ME1: variants seen among roughly 807,000 people sequenced by gnomAD.
ME1 encodes NADP-dependent malic enzyme.
In ME1, 74 loss-of-function variants were observed where a neutral mutation model predicts 66.4. That is an observed-to-expected ratio of 1.11 (90% CI 0.92 to 1.35). The LOEUF is 1.35. Among genes scored for constraint, ME1 ranks in the 40% most tolerant of loss-of-function variants. The pLI, the probability that ME1 is intolerant of heterozygous loss-of-function variation, is 0.00. For missense variants in ME1, 750 were observed against 694.1 expected, an observed-to-expected ratio of 1.08 and a Z score of -0.90; for synonymous variants, 251 against 235.6, an observed-to-expected ratio of 1.07 and a Z score of -0.60.
chr6:83,236,347 G>A (rs1457479912), intron 9 of ME1, among the ~76,000 whole-genome samples: 2 of 151,978 alleles, frequency 1.3e-5, no homozygotes, highest in Non-Finnish European at 2.9e-5. Flanking sequence ...GGAAACTAGT[G>A]GCTCAAAAAT....
intron 3 of ME1, among the ~76,000 whole-genome samples, chr6:83,385,023 T>A (rs1769480852): frequency 6.6e-6 from 1 of 151,906 alleles, no homozygotes; most frequent in African/African-American, 2.4e-5. Flanking sequence ...TATATGAACA[T>A]CTTTCAAATA....
At chr6:83,290,318 G>A (rs770510092) in intron 6 of ME1, among the ~76,000 whole-genome samples, 3 of 152,068 alleles carry the variant, frequency 2.0e-5, no homozygotes, top group Non-Finnish European at 2.9e-5. Context: ...AGAGATTCTG[G>A]TACATTGTGT....
intron 2 of ME1, 62 bp downstream of exon 2, chr6:83,407,706 T>TA: frequency 1.4e-6 from 2 of 1,401,704 alleles, no homozygotes; most frequent in South Asian, 3.6e-5. Flanking sequence ...TCTCACCCAA[T>TA]AAAAAATAAA....
In ME1 at chr6:83,358,628, T is replaced by C. The variant is rs114361312; in HGVS notation, c.363-6489A>G. 2.9e-3 allele frequency among the ~76,000 whole-genome samples: 444 copies of C among 152,246 alleles called. 1 individual carries two copies. The highest frequency in any genetic ancestry group is 9.8e-3 in the African/African-American group (406 of 41,554). ...CATCGATTAGAAAAGAATGGGACCATGCAACTTGGAATGGGGATGTGTGGG... is the reference window on the plus strand; with the variant it reads ...CATCGATTAGAAAAGAATGGGACCACGCAACTTGGAATGGGGATGTGTGGG... On this transcript the variant is annotated intron_variant, in intron 3 of 13. Coordinates refer to ENST00000369705, the MANE Select transcript of ME1 (RefSeq NM_002395.6).
At chr6:83,264,259 G>A (rs1438138514) in intron 6 of ME1, among the ~76,000 whole-genome samples, 2 of 152,160 alleles carry the variant, frequency 1.3e-5, no homozygotes, top group Non-Finnish European at 2.9e-5. Context: ...GAGACCTACT[G>A]CTCAAAAAAT....
chr6:83,279,814 A>C (rs1161894868), intron 6 of ME1, among the ~76,000 whole-genome samples: 1 of 152,212 alleles, frequency 6.6e-6, no homozygotes, highest in Non-Finnish European at 1.5e-5. Flanking sequence ...ATACCAAATT[A>C]TCTACACATA....
At chr6:83,355,144 C>A (rs1768865049) in intron 3 of ME1, among the ~76,000 whole-genome samples, 1 of 151,952 alleles carries the variant, frequency 6.6e-6, no homozygotes, top group African/African-American at 2.4e-5. Context: ...CCAATGTGAG[C>A]CTATAAAATC....
In ME1 at chr6:83,210,417, T is replaced by C. The variant is rs1789853443; in HGVS notation, c.*1507A>G. The stretch of plus-strand genomic sequence containing the variant: ...TAAGAAAAAGGACAATTATTTTATA[T>C]TTTTATTCATTCACCTTTTCTATGC... On this transcript the variant is annotated 3_prime_UTR_variant, in exon 14 of 14. Transcript: ENST00000369705. 6.6e-6 allele frequency: 1 copy of C among 152,522 alleles called. No individual in the cohort carries two copies. Among genetic ancestry groups the C allele is most frequent in the Non-Finnish European group, 1.5e-5 (1 of 68,048 alleles). 9.4% of individuals were successfully genotyped at this position (152,522 alleles called of 1,614,324 possible).
chr6:83,262,168 G>T (rs1766912114), intron 6 of ME1, among the ~76,000 whole-genome samples: 1 of 152,196 alleles, frequency 6.6e-6, no homozygotes, highest in Non-Finnish European at 1.5e-5. Flanking sequence ...CAGGCCATCT[G>T]ATGGACGGCA....
At chr6:83,277,781 A>C (rs560836848) in intron 6 of ME1, among the ~76,000 whole-genome samples, 1 of 152,166 alleles carries the variant, frequency 6.6e-6, no homozygotes, top group South Asian at 2.1e-4. Context: ...ACATGGCTGT[A>C]ATCGCAGCTA....
At chr6:83,297,499 C>T (rs1435016779) in intron 6 of ME1, among the ~76,000 whole-genome samples, 1 of 152,110 alleles carries the variant, frequency 6.6e-6, no homozygotes, top group African/African-American at 2.4e-5. Flanking sequence ...CCTGAATAGC[C>T]AAGGCAATCC....
rs948621652 is a variant in ME1, at chr6:83,249,937, T to G, written c.814+3692A>C. ...TAGGGTCATGGTCATCATTTTAACC[T>G]TAGCTTTTATCCCATTGTCTTTTCT... On this transcript the variant is annotated intron_variant, in intron 7 of 13. Transcript: ENST00000369705. Among the ~76,000 whole-genome samples the G allele has an allele frequency of 3.3e-5, 5 of 152,330 alleles. No individual in the cohort carries two copies. The East Asian group carries it at 9.7e-4, about 29-fold the overall frequency.
intron 1 of ME1, among the ~76,000 whole-genome samples, chr6:83,408,394 C>A (rs1042959423): frequency 6.6e-6 from 1 of 152,078 alleles, no homozygotes. Flanking sequence ...TTCTTATGTA[C>A]TCCTAGGCAT....
intron 6 of ME1, among the ~76,000 whole-genome samples, chr6:83,297,955 T>C (rs1767633221): frequency 6.6e-6 from 1 of 152,242 alleles, no homozygotes; most frequent in Non-Finnish European, 1.5e-5. Flanking sequence ...CTTTATCCAG[T>C]CTATCATTGA....
At chr6:83,270,903 A>G (rs924013511) in intron 6 of ME1, among the ~76,000 whole-genome samples, 7 of 152,030 alleles carry the variant, frequency 4.6e-5, no homozygotes, top group African/African-American at 1.7e-4. Flanking sequence ...ACACTAATAA[A>G]TAACATAAGA....
intron 6 of ME1, among the ~76,000 whole-genome samples, chr6:83,313,727 T>C (rs1767972128): frequency 6.6e-6 from 1 of 151,832 alleles, no homozygotes; most frequent in African/African-American, 2.4e-5. Flanking sequence ...GCACTTTAAG[T>C]ATAAAAAACT....
intron 8 of ME1, among the ~76,000 whole-genome samples, chr6:83,238,231 A>G (rs1449466743): frequency 6.6e-6 from 1 of 152,214 alleles, no homozygotes; most frequent in Admixed American, 6.5e-5. Context: ...ATTAGGCAAC[A>G]GAATGAAACT....
At chr6:83,358,823 A>C (rs2128545539) in intron 3 of ME1, among the ~76,000 whole-genome samples, 1 of 151,976 alleles carries the variant, frequency 6.6e-6, no homozygotes, top group East Asian at 1.9e-4. Flanking sequence ...TACCTGAGGC[A>C]ACAGTGATGG....
chr6:83,377,729 A>C (rs936937601), intron 3 of ME1, among the ~76,000 whole-genome samples: 1 of 152,168 alleles, frequency 6.6e-6, no homozygotes, highest in African/African-American at 2.4e-5. Flanking sequence ...AGATTTCCCC[A>C]AGATCTTGCT....
Sources: gnomAD v4.1 joint callset for allele counts (sites outside exome capture counted in the v4.1 genomes callset) on GRCh38, gnomAD v4.1.1 for gene constraint, MANE v1.5 for transcripts, NCBI Gene and HGNC (gene_info 2026-07-23, HGNC 2026-07-21) for gene names.